PTK6: variants seen among roughly 807,000 people sequenced by gnomAD.
The protein encoded by PTK6 is protein-tyrosine kinase 6.
Under a neutral mutation model 47.5 loss-of-function variants are expected in PTK6, and 47 were observed. That is an observed-to-expected ratio of 0.99 (90% confidence interval 0.78 to 1.26). The LOEUF is 1.26. PTK6 is among the 50% of genes most tolerant of loss of function. The pLI, the probability that PTK6 is intolerant of heterozygous loss-of-function variation, is 0.00. For missense variants in PTK6, 618 were observed against 625.3 expected (o/e 0.99, Z 0.12); for synonymous variants, 287 against 276.5 (o/e 1.04, Z -0.38).
chr20:63,533,780 C>T lies in PTK6; in HGVS notation c.517-76G>A, dbSNP rs6010958. 6.5e-7 allele frequency: 1 copy of T among 1,527,906 alleles called. No homozygotes were observed. The highest frequency in any genetic ancestry group is 8.8e-7 in the Non-Finnish European group (1 of 1,138,184). The allele number at this position is 1,527,906 out of a possible 1,614,324, so 94.6% of individuals were successfully genotyped here. ...CCAGTCTGAAGCCAGCACAGGGAGC[C>T]TGGATTTAGCCTCAGATTTAGGGCC... On this transcript the variant is annotated intron_variant, in intron 3 of 7. Transcript: ENST00000542869. This position sits in a 1 kb window ranked among gnomAD's most constrained non-coding sequence, Gnocchi z 4.0.
Position 63,529,764 on chromosome 20 carries a change from C to T in PTK6, c.1169-41G>A. On this transcript the variant is annotated intron_variant, in intron 7 of 7. Transcript: ENST00000542869. This position sits in a 1 kb window ranked among gnomAD's most constrained non-coding sequence, Gnocchi z 5.6. ...ATGAGAAGAGCTGGGGCCCACCTGCCTACCCTCCCCCAAGAAGCCACACCA... is the reference window on the plus strand; with the variant it reads ...ATGAGAAGAGCTGGGGCCCACCTGCTTACCCTCCCCCAAGAAGCCACACCA... The T allele has an allele frequency of 1.3e-6, 2 of 1,496,598 alleles. No homozygotes were observed. The highest frequency in any genetic ancestry group is 1.8e-6 in the Non-Finnish European group (2 of 1,119,330). 92.7% of individuals were successfully genotyped at this position (1,496,598 alleles called of 1,614,324 possible).
In PTK6 at chr20:63,533,215, A is replaced by G. The variant is rs111925264; in HGVS notation, c.670+336T>C. Among the ~76,000 whole-genome samples the G allele has an allele frequency of 0.13, 19,668 of 151,794 alleles. 4,064 individuals carry two copies. The highest frequency in any genetic ancestry group is 0.44 in the African/African-American group (18,255 of 41,270). ...CCCGAGTAGCTGGGACTACAGGCAC[A>G]TGCCTCCACACTCGGCTAATTTTTG... On this transcript the variant is annotated intron_variant, in intron 4 of 7. Coordinates refer to ENST00000542869, the MANE Select transcript of PTK6 (RefSeq NM_005975.4). The surrounding 1 kb of genome is among the most constrained non-coding windows in gnomAD (Gnocchi z 4.0).
Position 63,532,638 on chromosome 20 carries a change from C to A in PTK6, c.720G>T (p.Lys240Asn), listed in dbSNP as rs766670309. 1.2e-6 allele frequency: 2 copies of A among 1,614,152 alleles called. No homozygotes were observed. The highest frequency in any genetic ancestry group is 2.2e-5 in the South Asian group (2 of 91,090). The change falls in exon 5 of 8, where the codon AAG becomes AAT. Residue 240 changes from lysine to asparagine, a missense_variant. Physicochemically the swap from Lys to Asn is moderately conservative, Grantham distance 94. Coordinates refer to ENST00000542869, the MANE Select transcript of PTK6 (RefSeq NM_005975.4). ...QMLQSEIQAM[K>N]KLRHKHILAL... ...CCAGGATGTGTTTGTGCCGCAGCTT[C>A]TTCATGGCCTGGATCTCCGACTGCA...
rs1056293148 is a variant in PTK6 at position 63,534,981 on chromosome 20, C to G, written c.309G>C (p.Leu103=). The G allele has an allele frequency of 2.5e-6, 4 of 1,608,306 alleles. No individual in the cohort carries two copies. Among genetic ancestry groups the G allele is most frequent in the Non-Finnish European group, 3.4e-6 (4 of 1,177,802 alleles). The change falls in exon 2 of 8, where the codon CTG becomes CTC. Residue 103 remains leucine, a synonymous_variant. Coordinates refer to ENST00000542869, the MANE Select transcript of PTK6 (RefSeq NM_005975.4). ...QAEGNATGAF[L]IRVSEKPSAD... ...CACTCGGCTTCTCGCTGACCCTGAT[C>G]AGGAAGGCGCCCGTGGCGTTGCCCT... is the stretch of plus-strand genomic sequence containing the variant.
chr20:63,529,785 C>T lies in PTK6; in HGVS notation c.1169-62G>A. ...CTGCCTACCCTCCCCCAAGAAGCCA[C>T]ACCAGCCATCCACTGCCCCTTCCTG... On this transcript the variant is annotated intron_variant, in intron 7 of 7. Coordinates refer to ENST00000542869, the MANE Select transcript of PTK6 (RefSeq NM_005975.4). The surrounding 1 kb of genome is among the most constrained non-coding windows in gnomAD (Gnocchi z 5.6). 6.8e-7 allele frequency: 1 copy of T among 1,459,864 alleles called. No individual in the cohort carries two copies. Among genetic ancestry groups the T allele is most frequent in the Non-Finnish European group, 9.2e-7 (1 of 1,088,794 alleles). The allele number at this position is 1,459,864 out of a possible 1,614,324, so 90.4% of individuals were successfully genotyped here. A position where few individuals can be genotyped will look rare whatever the true frequency, so the allele number is the denominator to read the frequency against.
chr20:63,533,693 C>A lies in PTK6; in HGVS notation c.528G>T (p.Glu176Asp), dbSNP rs1275059185. 6.2e-7 allele frequency: 1 copy of A among 1,612,558 alleles called. No individual in the cohort carries two copies. The highest frequency in any genetic ancestry group is 8.5e-7 in the Non-Finnish European group (1 of 1,179,444). Reference sequence around the variant, plus strand: ...CCCAGTCATCCCAATGGGGCAGGGGCTCAGGCTCGTGCTGGAGGAAGAGTC... The same window carrying A: ...CCCAGTCATCCCAATGGGGCAGGGGATCAGGCTCGTGCTGGAGGAAGAGTC... ...LAAPCRKHEP[E>D]PLPHWDDWER... is the part of the protein sequence containing the mutation. The change falls in exon 4 of 8, where the codon GAG becomes GAT. Residue 176 changes from glutamate to aspartate, a missense_variant. By Grantham distance (45) the Glu-to-Asp change is conservative. Transcript: ENST00000542869. This position sits in a 1 kb window ranked among gnomAD's most constrained non-coding sequence, Gnocchi z 4.0.
rs750723721 is a variant in PTK6 at position 63,533,588 on chromosome 20, T to G, written c.633A>C (p.Lys211Asn). Residue 211 changes from lysine (K) to asparagine (N), a missense_variant, in exon 4 of 8, where the codon AAA becomes AAC. By Grantham distance (94) the Lys-to-Asn change is moderately conservative. Coordinates refer to ENST00000542869, the MANE Select transcript of PTK6 (RefSeq NM_005975.4). This position sits in a 1 kb window ranked among gnomAD's most constrained non-coding sequence, Gnocchi z 4.0. ...YFGEVFEGLW[K>N]DRVQVAIKVI... ...CCTTAATGGCCACCTGGACCCGGTC[T>G]TTCCAGAGCCCCTCGAAGACCTCCC... is the stretch of plus-strand genomic sequence containing the variant. 5 of 1,613,174 alleles carry G rather than the reference T, an allele frequency of 3.1e-6. 1 individual carries two copies. The South Asian group carries it at 5.5e-5, about 18-fold the overall frequency.
rs1482917108 is a variant in PTK6, at chr20:63,533,345, T to A, written c.670+206A>T. Reference sequence around the variant, plus strand: ...CTTCCCAAAGTGTGGGGATTACAGATGTGAGCCACCGTGCCCGGCCTAAAA... The same window carrying A: ...CTTCCCAAAGTGTGGGGATTACAGAAGTGAGCCACCGTGCCCGGCCTAAAA... On this transcript the variant is annotated intron_variant, in intron 4 of 7. Coordinates refer to ENST00000542869, the MANE Select transcript of PTK6 (RefSeq NM_005975.4). This position sits in a 1 kb window ranked among gnomAD's most constrained non-coding sequence, Gnocchi z 4.0. 6.6e-6 allele frequency among the ~76,000 whole-genome samples: 1 copy of A among 152,116 alleles called. No individual in the cohort carries two copies. The highest frequency in any genetic ancestry group is 1.5e-5 in the Non-Finnish European group (1 of 68,024).
chr20:63,533,308 C>T lies in PTK6; in HGVS notation c.670+243G>A, dbSNP rs924051872. Among the ~76,000 whole-genome samples the T allele has an allele frequency of 7.2e-5, 11 of 152,154 alleles. No homozygotes were observed. Among genetic ancestry groups the T allele is most frequent in the South Asian group, 2.1e-4 (1 of 4,826 alleles). ...GTCTCAAACTCCTGACCTCGTGATC[C>T]GCCCACCTTGGCTTCCCAAAGTGTG... On this transcript the variant is annotated intron_variant, in intron 4 of 7. Transcript: ENST00000542869. This position sits in a 1 kb window ranked among gnomAD's most constrained non-coding sequence, Gnocchi z 4.0.
rs763802091 is a variant in PTK6, at chr20:63,530,792, T to A, written c.968A>T (p.Asn323Ile). Residue 323 changes from asparagine to isoleucine, a missense_variant, in exon 6 of 8, where the codon AAC (asparagine) becomes ATC (isoleucine). By Grantham distance (149) the Asn-to-Ile change is moderately radical. Transcript: ENST00000542869. The surrounding 1 kb of genome is among the most constrained non-coding windows in gnomAD (Gnocchi z 4.1). ...GAAGTCCCCAACTTTGCAGAGGGTG[T>A]TTTCCCCGACGAGGATGTTCCTGGC... is the stretch of plus-strand genomic sequence containing the variant. ...LAARNILVGE[N>I]TLCKVGDFGL... The A allele has an allele frequency of 3.1e-6, 5 of 1,613,880 alleles. No individual in the cohort carries two copies. Among genetic ancestry groups the A allele is most frequent in the Non-Finnish European group, 4.2e-6 (5 of 1,179,926 alleles).
Position 63,529,495 on chromosome 20 carries a change from CCCT to C in PTK6, c.*38_*40del. ...CCAGGTCCAGGCCCTCTGCCCAGGC[CCCT>C]CCTCAGCAGGGCCCGGCCATGCCCG... On this transcript the variant is annotated 3_prime_UTR_variant, in exon 8 of 8. Transcript: ENST00000542869. The surrounding 1 kb of genome is among the most constrained non-coding windows in gnomAD (Gnocchi z 5.6). 1 of 1,504,180 alleles carries C rather than the reference CCCT, an allele frequency of 6.6e-7. No individual in the cohort carries two copies. The highest frequency in any genetic ancestry group is 8.9e-7 in the Non-Finnish European group (1 of 1,126,746). The allele number at this position is 1,504,180 out of a possible 1,614,324, so 93.2% of individuals were successfully genotyped here.
chr20:63,531,031 G>A, intron 5 of PTK6, 104 bp from the exon 6 acceptor site: 2 of 1,117,472 alleles, frequency 1.8e-6, no homozygotes, highest in African/African-American at 3.2e-5. Flanking sequence ...AGCTCTGCGG[G>A]CTCAGAGGAG....
At chr20:63,532,401 ATGTGTGTGTC>A in intron 5 of PTK6, 115 bp downstream of exon 5, 2 of 1,219,430 alleles carry the variant, frequency 1.6e-6, no homozygotes, top group Non-Finnish European at 1.1e-6. Flanking sequence ...CTGTGTGTGC[ATGTGTGTGTC>A]TGTGTGTCTG....
In PTK6 at chr20:63,534,682, C is replaced by T. The variant is rs1016806376; in HGVS notation, c.352+256G>A. 4.6e-5 allele frequency among the ~76,000 whole-genome samples: 7 copies of T among 152,222 alleles called. No homozygotes were observed. In the East Asian group the frequency reaches 9.7e-4, roughly 21 times the overall value. On this transcript the variant is annotated intron_variant, in intron 2 of 7. Coordinates refer to ENST00000542869, the MANE Select transcript of PTK6 (RefSeq NM_005975.4). ...TCCCATGGGTGCTGAGGACCTCCCA[C>T]GAGTGCCTCGGGCAGGGCTGGCTGG...
rs1042573829 is a variant in PTK6 at position 63,528,881 on chromosome 20, CGCA to C, written c.*652_*654del. 1 of 152,126 alleles carries C rather than the reference CGCA, an allele frequency of 6.6e-6. No individual in the cohort carries two copies. The highest frequency in any genetic ancestry group is 2.4e-5 in the African/African-American group (1 of 41,378). The allele number at this position is 152,126 out of a possible 1,614,324, so 9.4% of individuals were successfully genotyped here. A position where few individuals can be genotyped will look rare whatever the true frequency, so the allele number is the denominator to read the frequency against. ...GACAGTAGAGAAGGGCCCTTGTCAG[CGCA>C]GGAGTGAGGGGCGCTTTCCAGCACT... is the stretch of plus-strand genomic sequence containing the variant. On this transcript the variant is annotated 3_prime_UTR_variant, in exon 8 of 8. Transcript: ENST00000542869.
Position 63,530,861 on chromosome 20 carries a change from A to T in PTK6, c.899T>A (p.Met300Lys), listed in dbSNP as rs1390603176. Residue 300 changes from methionine (M) to lysine (K), a missense_variant, in exon 6 of 8, where the codon ATG becomes AAG. Coordinates refer to ENST00000542869, the MANE Select transcript of PTK6 (RefSeq NM_005975.4). The surrounding 1 kb of genome is among the most constrained non-coding windows in gnomAD (Gnocchi z 4.1). ...GTAATTCTGCGACTCCAGGTAACAC[A>T]TGCCCTCAGCCACCTGCCAGGCGAT... is the stretch of plus-strand genomic sequence containing the variant. ...LDIAWQVAEG[M>K]CYLESQNYIH... 6.2e-7 allele frequency: 1 copy of T among 1,613,802 alleles called. No individual in the cohort carries two copies. Among genetic ancestry groups the T allele is most frequent in the African/African-American group, 1.3e-5 (1 of 74,906 alleles).
intron 2 of PTK6, among the ~76,000 whole-genome samples, chr20:63,534,565 A>C (rs963999943): frequency 5.3e-5 from 8 of 152,284 alleles, no homozygotes; most frequent in African/African-American, 1.9e-4. Flanking sequence ...GCAGCTGCCT[A>C]AAATCCCAGC....
intron 1 of PTK6, among the ~76,000 whole-genome samples, chr20:63,536,460 G>A (rs1465058587): frequency 1.3e-5 from 2 of 150,430 alleles, no homozygotes; most frequent in South Asian, 2.1e-4. Flanking sequence ...TGTGACTCAC[G>A]CACACACACA....
rs2082644815 is a variant in PTK6, at chr20:63,533,988, C to G, written c.516+164G>C. ...CTCCTGGCCCCACCCCCAACTCAGG[C>G]AAACACCTGTGCTCTGCAGAACCAT... is the stretch of plus-strand genomic sequence containing the variant. On this transcript the variant is annotated intron_variant, in intron 3 of 7. Coordinates refer to ENST00000542869, the MANE Select transcript of PTK6 (RefSeq NM_005975.4). The surrounding 1 kb of genome is among the most constrained non-coding windows in gnomAD (Gnocchi z 4.0). Among the ~76,000 whole-genome samples the G allele has an allele frequency of 6.6e-6, 1 of 152,182 alleles. No individual in the cohort carries two copies. The highest frequency in any genetic ancestry group is 2.4e-5 in the African/African-American group (1 of 41,448).
Sources: allele counts gnomAD v4.1 joint callset (sites outside exome capture counted in the v4.1 genomes callset), GRCh38; gene constraint gnomAD v4.1.1; non-coding constraint Gnocchi (gnomAD v3.1); transcripts MANE v1.5; gene names NCBI Gene and HGNC (gene_info 2026-07-23, HGNC 2026-07-21).